Variants in UGT2B4 observed in about 807,000 individuals in gnomAD.
UGT2B4 encodes the protein UDP glucuronosyltransferase family 2 member B4.
Under a neutral mutation model 49.8 loss-of-function variants are expected in UGT2B4, and 49 were observed. That is an observed-to-expected ratio of 0.98 (90% CI 0.78 to 1.25). The LOEUF is 1.25. Among genes scored for constraint, UGT2B4 ranks in the 50% most tolerant of loss-of-function variants. UGT2B4 has a pLI of 0.00. For missense variants in UGT2B4, 729 were observed against 627.7 expected (o/e 1.16, Z -1.73); for synonymous variants, 246 against 217.7 (o/e 1.13, Z -1.14).
At chr4:69,498,504 CT>C (rs112691314), upstream of UGT2B4, among the ~76,000 whole-genome samples, 51,788 of 141,178 alleles carry the variant, frequency 0.37, 8,908 homozygotes, top group African/African-American at 0.41. Context: ...TGATTTTGGG[CT>C]TTTTTTTTTT....
chr4:69,518,977 G>C (rs1490410895), intron 1 of UGT2B4, among the ~76,000 whole-genome samples: 1 of 152,138 alleles, frequency 6.6e-6, no homozygotes, highest in Non-Finnish European at 1.5e-5. Flanking sequence ...GAAAGGTTTG[G>C]TAGGATTTAT....
chr4:69,487,415 A>G (rs1286920426), intron 3 of UGT2B4, among the ~76,000 whole-genome samples: 2 of 152,230 alleles, frequency 1.3e-5, no homozygotes. Flanking sequence ...ATGTAGCCAT[A>G]AAAAAGAACA....
At position 69,495,164 on chromosome 4, in the gene UGT2B4, T is replaced by A. The variant is rs181082958; in HGVS notation, c.698A>T (p.Asp233Val). ...ACCTAGAACTTCACTGTAGAACTGA[T>A]CCCACTTCTTCATGTCAAATATTTG... The part of the protein sequence containing the change: ...WFQIFDMKKW[D>V]QFYSEVLGRP... The change falls in exon 1 of 6, where the codon GAT (aspartate) becomes GTT (valine). Residue 233 changes from aspartate (D) to valine (V), a missense_variant. Asp to Val is a radical substitution (Grantham distance 152, BLOSUM62 -3). Coordinates refer to ENST00000305107, the MANE Select transcript of UGT2B4 (RefSeq NM_021139.3). 2 of 1,570,148 alleles carry A rather than the reference T, an allele frequency of 1.3e-6. No individual in the cohort carries two copies.
intron 3 of UGT2B4, among the ~76,000 whole-genome samples, chr4:69,487,351 C>T (rs1427580165): frequency 6.6e-6 from 1 of 152,096 alleles, no homozygotes; most frequent in African/African-American, 2.4e-5. Flanking sequence ...TCTAAATGCC[C>T]ATCAATGATG....
chr4:69,510,292 C>T (rs943531924), intron 1 of UGT2B4, among the ~76,000 whole-genome samples: 2 of 152,080 alleles, frequency 1.3e-5, no homozygotes, highest in Admixed American at 1.3e-4. Context: ...GTGATGCCTC[C>T]AGCTTTGTTG....
At chr4:69,506,101 A>G (rs751839183) in intron 1 of UGT2B4, among the ~76,000 whole-genome samples, 17 of 152,272 alleles carry the variant, frequency 1.1e-4, no homozygotes, top group Middle Eastern at 3.4e-3. Context: ...GTATAGGACT[A>G]AATGCCCGCA....
chr4:69,514,934 T>G (rs1728691525), intron 1 of UGT2B4, among the ~76,000 whole-genome samples: 1 of 152,100 alleles, frequency 6.6e-6, no homozygotes, highest in African/African-American at 2.4e-5. Context: ...ATAAAGACAT[T>G]ACATAATGGG....
chr4:69,512,877 G>A (rs550532677), intron 1 of UGT2B4, among the ~76,000 whole-genome samples: 2 of 152,114 alleles, frequency 1.3e-5, no homozygotes, highest in African/African-American at 4.8e-5. Context: ...CCCTATATAT[G>A]TCTTCTTTTG....
At chr4:69,494,009 A>G (rs1728073335) in intron 1 of UGT2B4, among the ~76,000 whole-genome samples, 168 bp from the exon 2 acceptor site, 1 of 152,126 alleles carries the variant, frequency 6.6e-6, no homozygotes, top group Admixed American at 6.6e-5. Context: ...TATGTATTAT[A>G]TATTTTACCC....
At chr4:69,500,668 A>AGAAAGAAAGAAAGAAG (rs1383264448), upstream of UGT2B4, among the ~76,000 whole-genome samples, 65 of 110,276 alleles carry the variant, frequency 5.9e-4, no homozygotes, top group African/African-American at 1.6e-3. Flanking sequence ...AAAGAAAGAA[A>AGAAAGAAAGAAAGAAG]GGAAGGAAAG....
At chr4:69,494,002 G>A (rs1421122936) in intron 1 of UGT2B4, among the ~76,000 whole-genome samples, 161 bp from the exon 2 acceptor site, 7 of 152,090 alleles carry the variant, frequency 4.6e-5, no homozygotes, top group African/African-American at 1.4e-4. Flanking sequence ...TAATTTTTAT[G>A]TATTATATAT....
At chr4:69,514,499 G>A (rs1436406864) in intron 1 of UGT2B4, among the ~76,000 whole-genome samples, 1 of 152,132 alleles carries the variant, frequency 6.6e-6, no homozygotes, top group African/African-American at 2.4e-5. Flanking sequence ...ATACTATGTT[G>A]TATAGGAGTG....
chr4:69,500,694 G>A (rs1270987763), upstream of UGT2B4, among the ~76,000 whole-genome samples: 1 of 151,446 alleles, frequency 6.6e-6, no homozygotes, highest in Non-Finnish European at 1.5e-5. Context: ...AAAGCAAGCA[G>A]GATGATGGTC....
upstream of UGT2B4, among the ~76,000 whole-genome samples, chr4:69,497,325 A>G (rs949736088): frequency 6.6e-6 from 1 of 152,180 alleles, no homozygotes; most frequent in Non-Finnish European, 1.5e-5. Flanking sequence ...CCAATTTTTC[A>G]GTCCATCACC....
chr4:69,484,840 A>G (rs1418579962), intron 5 of UGT2B4, among the ~76,000 whole-genome samples: 2 of 152,210 alleles, frequency 1.3e-5, no homozygotes, highest in African/African-American at 4.8e-5. Flanking sequence ...TTTCAGTGAG[A>G]AAACAGATAT....
intron 1 of UGT2B4, among the ~76,000 whole-genome samples, chr4:69,524,810 C>G (rs34643431): frequency 0.35 from 53,364 of 151,838 alleles, 9,469 homozygotes; most frequent in Non-Finnish European, 0.37. Flanking sequence ...GGTGCAGGGT[C>G]ATCAGAAAAC....
At chr4:69,489,911 GT>G (rs1217927217) in intron 2 of UGT2B4, among the ~76,000 whole-genome samples, 1 of 152,126 alleles carries the variant, frequency 6.6e-6, no homozygotes, top group Non-Finnish European at 1.5e-5. Flanking sequence ...AGTGGCACCA[GT>G]TGGCTTTAAT....
chr4:69,503,048 G>A (rs1431644535), intron 1 of UGT2B4, among the ~76,000 whole-genome samples: 2 of 152,210 alleles, frequency 1.3e-5, no homozygotes, highest in Non-Finnish European at 2.9e-5. Context: ...GCCAAGAGGG[G>A]TTGGTGTGGG....
At position 69,524,692 on chromosome 4, in the gene UGT2B4, A is replaced by C. The variant is rs527254857; in HGVS notation, c.-106+995T>G. Among the ~76,000 whole-genome samples, 137 of 32,980 alleles carry C rather than the reference A, an allele frequency of 4.2e-3. 1 individual carries two copies. Among genetic ancestry groups the C allele is most frequent in the African/African-American group, 0.015 (125 of 8,426 alleles). The allele number at this position is 32,980 out of a possible 152,430, so 21.6% of individuals were successfully genotyped here. On this transcript the variant is annotated intron_variant, in intron 1 of 1. Coordinates refer to the UGT2B4 transcript ENST00000510114. ...GATTATAAGATTGCCACAAACCCTC[A>C]ACTTATGAGAAAAAAAAACCCAAAT...
Sources: gnomAD v4.1 joint callset for allele counts (sites outside exome capture counted in the v4.1 genomes callset) on GRCh38, gnomAD v4.1.1 for gene constraint, MANE v1.5 for transcripts, NCBI Gene and HGNC (gene_info 2026-07-23, HGNC 2026-07-21) for gene names.